Variants in CTNNA2 observed in about 807,000 individuals in gnomAD.
CTNNA2 encodes catenin alpha-2.
A neutral mutation model predicts 101.0 loss-of-function variants in CTNNA2; 42 were observed. The observed-to-expected ratio is 0.42, with a 90% CI of 0.32 to 0.54. The LOEUF (loss-of-function observed/expected upper bound fraction) is 0.54. Among genes scored for constraint, CTNNA2 ranks in the 20% least tolerant of loss-of-function variants. The pLI is 0.14. For synonymous variants in CTNNA2, 450 were observed against 456.4 expected, an observed-to-expected ratio of 0.99 and a Z score of 0.18; for missense variants, 871 against 1,223.1, an observed-to-expected ratio of 0.71 and a Z score of 4.29.
intron 4 of CTNNA2, among the ~76,000 whole-genome samples, chr2:79,456,584 C>G (rs1371224237): frequency 1.3e-5 from 2 of 152,160 alleles, no homozygotes; most frequent in African/African-American, 4.8e-5. Context: ...CTCTCCAAGA[C>G]AAATTGACAT....
At chr2:80,374,474 C>A (rs1340386790) in intron 7 of CTNNA2, among the ~76,000 whole-genome samples, 2 of 152,038 alleles carry the variant, frequency 1.3e-5, no homozygotes, top group Non-Finnish European at 2.9e-5. Context: ...GGGTACCTAG[C>A]TTGATTCCAT....
At chr2:79,795,353 G>C (rs990396828) in intron 3 of CTNNA2, among the ~76,000 whole-genome samples, 12 of 151,942 alleles carry the variant, frequency 7.9e-5, no homozygotes, top group African/African-American at 1.4e-4. Flanking sequence ...TAATAGTAAA[G>C]TACACAAACT....
intron 2 of CTNNA2, among the ~76,000 whole-genome samples, chr2:79,706,786 G>T (rs1156339100): frequency 6.6e-6 from 1 of 152,132 alleles, no homozygotes; most frequent in Non-Finnish European, 1.5e-5. Context: ...TACAGACATT[G>T]AGTGGGCATT....
chr2:79,818,967 A>T (rs1250882814), intron 3 of CTNNA2, among the ~76,000 whole-genome samples: 8 of 140,764 alleles, frequency 5.7e-5, no homozygotes, highest in Non-Finnish European at 9.2e-5. Context: ...TTTCTCCTCC[A>T]TATTCTTTTT....
At chr2:80,362,727 T>C (rs1402741239) in intron 7 of CTNNA2, among the ~76,000 whole-genome samples, 2 of 152,270 alleles carry the variant, frequency 1.3e-5, no homozygotes, top group African/African-American at 4.8e-5. Flanking sequence ...GAACATTTAC[T>C]CTCTCTGCAC....
chr2:80,572,250 G>T (rs1441177212), intron 12 of CTNNA2, among the ~76,000 whole-genome samples: 1 of 152,126 alleles, frequency 6.6e-6, no homozygotes, highest in East Asian at 1.9e-4. Flanking sequence ...CTGATTATGG[G>T]TGAAGTCTTA....
chr2:79,315,196 C>G (rs2104403869), intron 3 of CTNNA2, among the ~76,000 whole-genome samples: 1 of 152,156 alleles, frequency 6.6e-6, no homozygotes, highest in Non-Finnish European at 1.5e-5. Context: ...TTCTTATAGT[C>G]TATTTATTTC....
At chr2:79,820,047 G>C (rs1051344684) in intron 3 of CTNNA2, among the ~76,000 whole-genome samples, 2 of 151,864 alleles carry the variant, frequency 1.3e-5, no homozygotes, top group Non-Finnish European at 2.9e-5. Context: ...TCACATATTT[G>C]TCTGTATATG....
chr2:79,341,421 G>GA (rs1157191898), intron 3 of CTNNA2, among the ~76,000 whole-genome samples: 6 of 152,012 alleles, frequency 3.9e-5, no homozygotes, highest in Non-Finnish European at 2.9e-5. Context: ...ATGAGTGGGT[G>GA]AAAAAAATGA....
chr2:79,818,439 A>T (rs1677707631), intron 3 of CTNNA2, among the ~76,000 whole-genome samples: 1 of 151,696 alleles, frequency 6.6e-6, no homozygotes, highest in South Asian at 2.1e-4. Context: ...CAGCCTCCTG[A>T]GTAGCTGGGA....
intron 8 of CTNNA2, among the ~76,000 whole-genome samples, chr2:80,404,387 T>A (rs552223057): frequency 1.4e-4 from 22 of 151,950 alleles, no homozygotes; most frequent in Non-Finnish European, 2.6e-4. Flanking sequence ...GAGAAAAAAA[T>A]AGTAATATAT....
Position 79,399,254 on chromosome 2 carries a change from T to C in CTNNA2, c.-135+25241T>C, listed in dbSNP as rs532654068. 5.9e-5 allele frequency among the ~76,000 whole-genome samples: 9 copies of C among 152,176 alleles called. No individual in the cohort carries two copies. In the South Asian group the frequency reaches 1.9e-3, roughly 32 times the overall value. On this transcript the variant is annotated intron_variant, in intron 4 of 21. Transcript: ENST00000466387. ...AAAGCACTGAAAAGTGAAATATCCA[T>C]AGGAAACTTTGCAAAGCTTTCACAT...
chr2:79,944,258 TAAC>T (rs757848686), intron 7 of CTNNA2, among the ~76,000 whole-genome samples: 2 of 152,156 alleles, frequency 1.3e-5, no homozygotes, highest in Admixed American at 6.5e-5. Flanking sequence ...AACCTTACCC[TAAC>T]ACCTTGAAAC....
At chr2:79,829,374 C>T (rs190426872) in intron 3 of CTNNA2, among the ~76,000 whole-genome samples, 1 of 111,274 alleles carries the variant, frequency 9.0e-6, no homozygotes, top group Non-Finnish European at 2.0e-5. Context: ...CACACACACA[C>T]ACACACACAC....
chr2:80,033,972 TAAA>T (rs70940069), intron 7 of CTNNA2, among the ~76,000 whole-genome samples: 7 of 84,242 alleles, frequency 8.3e-5, no homozygotes, highest in Admixed American at 4.1e-4. Context: ...GCTTATAATG[TAAA>T]AAAAAAAAAA....
At chr2:79,429,596 AAC>A (rs1678629061) in intron 4 of CTNNA2, among the ~76,000 whole-genome samples, 1 of 152,176 alleles carries the variant, frequency 6.6e-6, no homozygotes, top group Admixed American at 6.6e-5. Flanking sequence ...CTCTAAATTA[AAC>A]AGAGTAATAA....
rs372876789 is a variant in CTNNA2, at chr2:80,581,690, A to G, written c.1894-16A>G. 1.6e-4 allele frequency: 236 copies of G among 1,496,222 alleles called. No homozygotes were observed. Among genetic ancestry groups the G allele is most frequent in the Non-Finnish European group, 2.1e-4 (224 of 1,073,360 alleles). The allele number at this position is 1,496,222 out of a possible 1,614,324, so 92.7% of individuals were successfully genotyped here. ...TATCAATTTAAGTATGCTGACTTAT[A>G]TCTTTTTGTCTTTAGACCCCAGAAG... On this transcript the variant is annotated splice_polypyrimidine_tract_variant and intron_variant, in intron 13 of 18. Coordinates refer to ENST00000402739, the MANE Select transcript of CTNNA2 (RefSeq NM_001282597.3).
At chr2:79,925,092 A>G (rs1361104225) in intron 7 of CTNNA2, among the ~76,000 whole-genome samples, 2 of 152,048 alleles carry the variant, frequency 1.3e-5, no homozygotes, top group Non-Finnish European at 2.9e-5. Context: ...TTATAATTTT[A>G]AGTATCTCTC....
intron 2 of CTNNA2, among the ~76,000 whole-genome samples, chr2:79,253,595 A>T (rs1022702463): frequency 6.6e-6 from 1 of 152,188 alleles, no homozygotes; most frequent in Non-Finnish European, 1.5e-5. Flanking sequence ...TTCAGGCCTG[A>T]TAATGGACAT....
Sources: gnomAD v4.1 joint callset for allele counts (sites outside exome capture counted in the v4.1 genomes callset) on GRCh38, gnomAD v4.1.1 for gene constraint, MANE v1.5 for transcripts, NCBI Gene and HGNC (gene_info 2026-07-23, HGNC 2026-07-21) for gene names.